Variants in CSPG4 observed in about 807,000 individuals in gnomAD.
CSPG4 encodes chondroitin sulfate proteoglycan 4 (melanoma-associated).
CSPG4 carries 74 observed loss-of-function variants against 139.3 expected under a neutral mutation model. The observed-to-expected ratio is 0.53, with a 90% CI of 0.44 to 0.64. The LOEUF (loss-of-function observed/expected upper bound fraction) is 0.64, where lower values mean the gene tolerates loss of function less well. CSPG4 is among the 30% of genes least tolerant of loss of function. The pLI, the probability that CSPG4 is intolerant of heterozygous loss-of-function variation, is 0.00. For missense variants in CSPG4, 2,565 were observed against 3,148.3 expected (o/e 0.81, Z 4.43); for synonymous variants, 1,234 against 1,394.2 (o/e 0.89, Z 2.56).
chr15:75,697,799 ACACC>A (rs1176390750), intron 1 of CSPG4, among the ~76,000 whole-genome samples: 1 of 152,128 alleles, frequency 6.6e-6, no homozygotes, highest in East Asian at 1.9e-4. Context: ...TGGGGGAGGG[ACACC>A]CAGTGCCACA....
In CSPG4 at chr15:75,676,167, G is replaced by A. The variant is rs1199724214; in HGVS notation, c.6352C>T (p.Leu2118Phe). The part of the protein sequence containing the change: ...QLVEQFTQQD[L>F]EDGRLGLEVG... ...TCCAGCCCCAGCCTCCCGTCCTCAA[G>A]GTCCTGCTGAGTGAACTGCTCCACC... Residue 2118 changes from leucine to phenylalanine, a missense_variant, in exon 10 of 10, where the codon CTT becomes TTT. Coordinates refer to ENST00000308508, the MANE Select transcript of CSPG4 (RefSeq NM_001897.5). 1 of 1,550,424 alleles carries A rather than the reference G, an allele frequency of 6.4e-7. No homozygotes were observed. Among genetic ancestry groups the A allele is most frequent in the Non-Finnish European group, 8.7e-7 (1 of 1,154,724 alleles).
rs535220835 is a variant in CSPG4 at position 75,687,671 on chromosome 15, C to T, written c.3394G>A (p.Gly1132Ser). 28 of 1,612,894 alleles carry T rather than the reference C, an allele frequency of 1.7e-5. No homozygotes were observed. The highest frequency in any genetic ancestry group is 8.0e-5 in the African/African-American group (6 of 75,050). Residue 1132 changes from glycine (G) to serine (S), a missense_variant, in exon 3 of 10, where the codon GGC becomes AGC. Around this residue, in one of 5 missense-constraint regions of CSPG4, gnomAD observed 2,316 missense variants for 2,818.2 expected, o/e 0.82. Coordinates refer to ENST00000308508, the MANE Select transcript of CSPG4 (RefSeq NM_001897.5). The surrounding 1 kb of genome is among the most constrained non-coding windows in gnomAD (Gnocchi z 5.4). Reference protein sequence around the residue: ...ASEPYLRVANGSSLVVPQGGQ... With the variant: ...ASEPYLRVANSSSLVVPQGGQ... Reference sequence around the variant, plus strand: ...CCTTGAGGGACCACAAGGCTGGAGCCGTTGGCCACACGGAGGTAGGGTTCC... The same window carrying T: ...CCTTGAGGGACCACAAGGCTGGAGCTGTTGGCCACACGGAGGTAGGGTTCC...
In CSPG4 at chr15:75,689,329, T is replaced by C; in HGVS notation, c.1736A>G (p.Gln579Arg). 6.2e-7 allele frequency: 1 copy of C among 1,611,218 alleles called. No individual in the cohort carries two copies. Among genetic ancestry groups the C allele is most frequent in the Non-Finnish European group, 8.5e-7 (1 of 1,179,848 alleles). ...TQKPLGPEVF[Q>R]AYDPDSACEG... Reference sequence around the variant, plus strand: ...ACAGGCAGAGTCCGGGTCATAGGCCTGGAAAACCTCAGGCCCCAGCGGCTT... The same window carrying C: ...ACAGGCAGAGTCCGGGTCATAGGCCCGGAAAACCTCAGGCCCCAGCGGCTT... The change falls in exon 3 of 10, where the codon CAG becomes CGG. Residue 579 changes from glutamine to arginine, a missense_variant. Physicochemically the swap from Gln to Arg is conservative, Grantham distance 43. This residue lies in a region of CSPG4 where 2,316 missense variants were observed against 2,818.2 expected (regional missense o/e 0.82). Coordinates refer to ENST00000308508, the MANE Select transcript of CSPG4 (RefSeq NM_001897.5).
At chr15:75,705,829 A>AG (rs1172851146) in intron 1 of CSPG4, among the ~76,000 whole-genome samples, 5 of 152,052 alleles carry the variant, frequency 3.3e-5, no homozygotes, top group African/African-American at 1.2e-4. Context: ...TGGGAAGTAA[A>AG]AGTGTGTGTG....
chr15:75,700,348 G>A, intron 1 of CSPG4, among the ~76,000 whole-genome samples: 1 of 144,470 alleles, frequency 6.9e-6, no homozygotes, highest in East Asian at 2.3e-4. Context: ...TGTCCCCTGG[G>A]ACTCTTCTGT....
At position 75,677,386 on chromosome 15, in the gene CSPG4, T is replaced by G; in HGVS notation, c.5135-2A>C. On this transcript the variant is annotated splice_acceptor_variant, in intron 9 of 9. Transcript: ENST00000308508. LOFTEE classifies it high-confidence loss of function. ...GCTGGCCCTCGGGGACCCAGAGACC[T>G]GGGGGTGGGACATAGGCTATGAGGG... is the stretch of plus-strand genomic sequence containing the variant. 1 of 1,394,586 alleles carries G rather than the reference T, an allele frequency of 7.2e-7. No homozygotes were observed. The highest frequency in any genetic ancestry group is 9.3e-7 in the Non-Finnish European group (1 of 1,071,212). The allele number at this position is 1,394,586 out of a possible 1,614,324, so 86.4% of individuals were successfully genotyped here. A position where few individuals can be genotyped will look rare whatever the true frequency, so the allele number is the denominator to read the frequency against.
At chr15:75,686,294 C>A (rs535909887) in intron 3 of CSPG4, among the ~76,000 whole-genome samples, 20 of 152,366 alleles carry the variant, frequency 1.3e-4, no homozygotes, top group Non-Finnish European at 1.9e-4. Context: ...CACACAGGCC[C>A]CCCTGCTCAG....
chr15:75,702,929 T>C (rs1894324403), intron 1 of CSPG4, among the ~76,000 whole-genome samples: 1 of 143,296 alleles, frequency 7.0e-6, no homozygotes. Flanking sequence ...GAAGTGCCTG[T>C]GGGATCCTGA....
chr15:75,689,048 G>T lies in CSPG4; in HGVS notation c.2017C>A (p.Leu673Met). Residue 673 changes from leucine (L) to methionine (M), a missense_variant, in exon 3 of 10, where the codon CTG becomes ATG. By Grantham distance (15) the Leu-to-Met change is conservative (BLOSUM62 2). Coordinates refer to ENST00000308508, the MANE Select transcript of CSPG4 (RefSeq NM_001897.5). ...IQIHRSTGLR[L>M]AQGSAMPILP... The stretch of plus-strand genomic sequence containing the variant: ...ATGGGCATGGCAGAGCCTTGGGCCA[G>T]TCGCAACCCTGTGCTGCGGTGGATC... 1 of 1,611,458 alleles carries T rather than the reference G, an allele frequency of 6.2e-7. No homozygotes were observed. The highest frequency in any genetic ancestry group is 1.1e-5 in the South Asian group (1 of 91,000).
In CSPG4 at chr15:75,675,431, G is replaced by A; in HGVS notation, c.*119C>T. ...TCTCCCAGGACCCTCCACCCCTGGT[G>A]TCTCCAGGTCTCTCTTGCTCTGGGG... On this transcript the variant is annotated 3_prime_UTR_variant, in exon 10 of 10. Coordinates refer to ENST00000308508, the MANE Select transcript of CSPG4 (RefSeq NM_001897.5). 2.6e-6 allele frequency: 3 copies of A among 1,139,484 alleles called. No homozygotes were observed. Among genetic ancestry groups the A allele is most frequent in the African/African-American group, 1.6e-5 (1 of 63,202 alleles). The allele number at this position is 1,139,484 out of a possible 1,614,324, so 70.6% of individuals were successfully genotyped here.
intron 1 of CSPG4, among the ~76,000 whole-genome samples, chr15:75,708,828 A>G (rs1894407328): frequency 6.6e-6 from 1 of 152,186 alleles, no homozygotes; most frequent in South Asian, 2.1e-4. Flanking sequence ...GGAGTTCGAG[A>G]CCAGCCTGGG....
At chr15:75,680,715 T>C (rs186305801) in intron 8 of CSPG4, 2 of 153,766 alleles carry the variant, frequency 1.3e-5, no homozygotes, top group Admixed American at 1.3e-4. Context: ...TTTTGCCTCT[T>C]ACTCGCCATG....
At position 75,676,891 on chromosome 15, in the gene CSPG4, G is replaced by C; in HGVS notation, c.5628C>G (p.Pro1876=). The change falls in exon 10 of 10, where the codon CCC becomes CCG. Residue 1876 remains proline (P), a synonymous_variant. Coordinates refer to ENST00000308508, the MANE Select transcript of CSPG4 (RefSeq NM_001897.5). ...CCACCAGGCTGAGGAAGCCGTTGTG[G>C]GGTGCCCGCTGGACCTCGTACTCAA... is the stretch of plus-strand genomic sequence containing the variant. ...GEIEYEVQRA[P]HNGFLSLVGG... is the part of the protein sequence containing the mutation. 6.3e-7 allele frequency: 1 copy of C among 1,591,056 alleles called. No individual in the cohort carries two copies. The highest frequency in any genetic ancestry group is 2.3e-5 in the East Asian group (1 of 43,974).
At position 75,687,824 on chromosome 15, in the gene CSPG4, A is replaced by G; in HGVS notation, c.3241T>C (p.Phe1081Leu). 6.2e-7 allele frequency: 1 copy of G among 1,612,922 alleles called. No homozygotes were observed. Among genetic ancestry groups the G allele is most frequent in the South Asian group, 1.1e-5 (1 of 91,086 alleles). Residue 1081 changes from phenylalanine (F) to leucine (L), a missense_variant, in exon 3 of 10, where the codon TTC (phenylalanine) becomes CTC (leucine). Transcript: ENST00000308508. This position sits in a 1 kb window ranked among gnomAD's most constrained non-coding sequence, Gnocchi z 5.4. Reference sequence around the variant, plus strand: ...CTCTTCCTGAGGTCCTCCTGGGTGAAGCGGTAGATGGGCCGCGTGGGCTCA... The same window carrying G: ...CTCTTCCTGAGGTCCTCCTGGGTGAGGCGGTAGATGGGCCGCGTGGGCTCA... ...VDEPTRPIYR[F>L]TQEDLRKRRV...
chr15:75,685,522 G>C lies in CSPG4; in HGVS notation c.3969C>G (p.Ser1323=). The C allele has an allele frequency of 6.2e-7, 1 of 1,608,058 alleles. No homozygotes were observed. Among genetic ancestry groups the C allele is most frequent in the South Asian group, 1.1e-5 (1 of 90,404 alleles). Residue 1323 remains serine (S), a synonymous_variant, in exon 4 of 10, where the codon TCC becomes TCG. Coordinates refer to ENST00000308508, the MANE Select transcript of CSPG4 (RefSeq NM_001897.5). ...AGGCATCGCTCCAGGCCTCAGGGCGGGAGTGCAGGTACAGGACCCTGCCTG... is the reference window on the plus strand; with the variant it reads ...AGGCATCGCTCCAGGCCTCAGGGCGCGAGTGCAGGTACAGGACCCTGCCTG... The part of the protein sequence containing the change: ...VDTGRVLYLH[S]RPEAWSDAFS...
Position 75,712,746 on chromosome 15 carries a change from C to T in CSPG4, c.10G>A (p.Gly4Arg), listed in dbSNP as rs912083407. 9.0e-6 allele frequency: 14 copies of T among 1,548,830 alleles called. 1 individual carries two copies. The African/African-American group carries it at 1.2e-4, about 14-fold the overall frequency. Residue 4 changes from glycine (G) to arginine (R), a missense_variant, in exon 1 of 10, where the codon GGG becomes AGG. Physicochemically the swap from Gly to Arg is moderately radical, Grantham distance 125. Transcript: ENST00000308508. ...GGGGCTGGAAGTGGGGGCCGCGGCC[C>T]GGACTGCATCCCGGCGGGCTGGGCG... MQS[G>R]PRPPLPAPGL...
chr15:75,690,507 G>C lies in CSPG4; in HGVS notation c.558C>G (p.Pro186=). The change falls in exon 3 of 10, where the codon CCC becomes CCG. Residue 186 remains proline (P), a synonymous_variant. Coordinates refer to ENST00000308508, the MANE Select transcript of CSPG4 (RefSeq NM_001897.5). ...CTTCAGCACAGCCCTCATGCACATC[G>C]GGGGTCAGAGGCCGGAGGAGGCTGC... is the stretch of plus-strand genomic sequence containing the variant. ...NGRSLLRPLT[P]DVHEGCAEEF... 6.2e-7 allele frequency: 1 copy of C among 1,609,650 alleles called. No individual in the cohort carries two copies. The highest frequency in any genetic ancestry group is 8.5e-7 in the Non-Finnish European group (1 of 1,179,020).
At position 75,685,641 on chromosome 15, in the gene CSPG4, C is replaced by T. The variant is rs1166988069; in HGVS notation, c.3850G>A (p.Ala1284Thr). Residue 1284 changes from alanine (A) to threonine (T), a missense_variant, in exon 4 of 10, where the codon GCC (alanine) becomes ACC (threonine). Transcript: ENST00000308508. Reference sequence around the variant, plus strand: ...CGCGACACCATCACCAGGTAGCCGGCACTCGGTGGGCTCTTCACTGAGAAT... The same window carrying T: ...CGCGACACCATCACCAGGTAGCCGGTACTCGGTGGGCTCTTCACTGAGAAT... ...IVFSVKSPPS[A>T]GYLVMVSRGA... 1.9e-6 allele frequency: 3 copies of T among 1,608,914 alleles called. No homozygotes were observed. The highest frequency in any genetic ancestry group is 2.5e-6 in the Non-Finnish European group (3 of 1,179,680).
intron 8 of CSPG4, among the ~76,000 whole-genome samples, chr15:75,680,976 G>A (rs1893966851): frequency 6.6e-6 from 1 of 152,178 alleles, no homozygotes; most frequent in South Asian, 2.1e-4. Flanking sequence ...TGGGGCACGG[G>A]GAAGCTCTGA....
Sources: allele counts gnomAD v4.1 joint callset (sites outside exome capture counted in the v4.1 genomes callset), GRCh38; gene constraint gnomAD v4.1.1; regional missense constraint gnomAD v4.1.1; non-coding constraint Gnocchi (gnomAD v3.1); transcripts MANE v1.5; gene names NCBI Gene and HGNC (gene_info 2026-07-23, HGNC 2026-07-21).